WDR33: variants seen among roughly 807,000 people sequenced by gnomAD.
WDR33 encodes pre-mRNA 3' end processing protein WDR33.
Under a neutral mutation model 164.9 loss-of-function variants are expected in WDR33, and 47 were observed. That is an observed-to-expected ratio of 0.29 (90% confidence interval 0.23 to 0.36). WDR33 has a LOEUF of 0.36. Among genes scored for constraint, WDR33 ranks in the 10% least tolerant of loss-of-function variants. The pLI, the probability that WDR33 is intolerant of heterozygous loss-of-function variation, is 1.00. For synonymous variants in WDR33, 505 were observed against 589.0 expected (o/e 0.86, Z 2.06); for missense variants, 1,137 against 1,754.1 (o/e 0.65, Z 6.28).
Position 127,737,491 on chromosome 2 carries a change from A to G in WDR33, c.725-10714T>C, listed in dbSNP as rs1573901206. Reference sequence around the variant, plus strand: ...AAAAGCAGTATATAGTCATCACTTGAAAAGCTAGAAAAGTGCAAAAAGAAA... The same window carrying G: ...AAAAGCAGTATATAGTCATCACTTGGAAAGCTAGAAAAGTGCAAAAAGAAA... On this transcript the variant is annotated intron_variant, in intron 7 of 21. Transcript: ENST00000322313. The G allele has an allele frequency of 7.1e-6, 7 of 986,322 alleles. No homozygotes were observed. The East Asian group carries it at 3.4e-4, about 48-fold the overall frequency. The allele number at this position is 986,322 out of a possible 1,614,324, so 61.1% of individuals were successfully genotyped here.
Position 127,794,829 on chromosome 2 carries a change from G to A in WDR33, c.-24+16183C>T, listed in dbSNP as rs1425644321. ...AGCCTGGGCGACAAAGCGAGACTCC[G>A]TTTCAAAAAAAAAAAAAAAAAAAGA... On this transcript the variant is annotated intron_variant, in intron 1 of 21. Transcript: ENST00000322313. 3.8e-4 allele frequency among the ~76,000 whole-genome samples: 33 copies of A among 86,694 alleles called. No individual in the cohort carries two copies. The East Asian group carries it at 5.2e-3, about 14-fold the overall frequency. 56.9% of individuals were successfully genotyped at this position (86,694 alleles called of 152,430 possible).
intron 7 of WDR33, among the ~76,000 whole-genome samples, chr2:127,731,176 T>C (rs1415788574): frequency 2.0e-5 from 3 of 150,806 alleles, no homozygotes; most frequent in Non-Finnish European, 4.4e-5. Context: ...ATGCCTGTAG[T>C]CCCAGTTGCT....
In WDR33 at chr2:127,768,203, C is replaced by T. The variant is rs1345854921; in HGVS notation, c.364G>A (p.Val122Ile). 1.3e-6 allele frequency: 2 copies of T among 1,570,898 alleles called. No homozygotes were observed. Among genetic ancestry groups the T allele is most frequent in the East Asian group, 2.3e-5 (1 of 43,926 alleles). The change falls in exon 4 of 22, where the codon GTA becomes ATA. Residue 122 changes from valine to isoleucine, a missense_variant. Val to Ile is a conservative substitution (Grantham distance 29). This residue lies in a region of WDR33 where 55 missense variants were observed against 84.6 expected (regional missense o/e 0.65). Coordinates refer to ENST00000322313, the MANE Select transcript of WDR33 (RefSeq NM_018383.5). ...RTSTNKVKCP[V>I]FVVRWTPEGR... is the part of the protein sequence containing the mutation. ...AGATTACTTACCCTAACAACAAATA[C>T]AGGACACTTTACTTTATTTGTTGAT...
At chr2:127,797,551 T>G (rs1357681659) in intron 1 of WDR33, among the ~76,000 whole-genome samples, 1 of 152,154 alleles carries the variant, frequency 6.6e-6, no homozygotes, top group Admixed American at 6.6e-5. Context: ...AATGTTTTAG[T>G]GGCTTTTTTT....
intron 1 of WDR33, among the ~76,000 whole-genome samples, chr2:127,792,399 G>A (rs1042448243): frequency 1.3e-5 from 2 of 151,612 alleles, no homozygotes; most frequent in Non-Finnish European, 2.9e-5. Flanking sequence ...GGTGGCTCAC[G>A]CCTATAATCC....
intron 1 of WDR33, among the ~76,000 whole-genome samples, chr2:127,797,085 T>G (rs1483247334): frequency 6.6e-6 from 1 of 152,030 alleles, no homozygotes; most frequent in Admixed American, 6.6e-5. Flanking sequence ...AGGGAAAATT[T>G]TCCTTGCAAA....
At chr2:127,728,645 T>C (rs1002945128) in intron 7 of WDR33, among the ~76,000 whole-genome samples, 1 of 152,180 alleles carries the variant, frequency 6.6e-6, no homozygotes, top group South Asian at 2.1e-4. Flanking sequence ...CTTGTTTGCC[T>C]TAAGAAATTT....
Position 127,726,375 on chromosome 2 carries a change from A to G in WDR33, c.851+276T>C, listed in dbSNP as rs1445458235. ...GTATTCTGATGACAGGCAATAGGCT[A>G]GAATAGTAACCACCTCCCTCCTCAT... On this transcript the variant is annotated intron_variant, in intron 8 of 21. Coordinates refer to ENST00000322313, the MANE Select transcript of WDR33 (RefSeq NM_018383.5). The surrounding 1 kb of genome is among the most constrained non-coding windows in gnomAD (Gnocchi z 4.8). Among the ~76,000 whole-genome samples the G allele has an allele frequency of 6.6e-6, 1 of 152,192 alleles. No homozygotes were observed. The highest frequency in any genetic ancestry group is 6.5e-5 in the Admixed American group (1 of 15,278).
At position 127,706,041 on chromosome 2, in the gene WDR33, T is replaced by C. The variant is rs994544367; in HGVS notation, c.*282A>G. 2.8e-6 allele frequency: 1 copy of C among 362,614 alleles called. No individual in the cohort carries two copies. The highest frequency in any genetic ancestry group is 4.0e-5 in the East Asian group (1 of 24,700). 22.5% of individuals were successfully genotyped at this position (362,614 alleles called of 1,614,324 possible). ...AACTTAAATTTGTGGAGATGCCCCA[T>C]GTCTTGTGAGACTTAAAAAAAAGAA... is the stretch of plus-strand genomic sequence containing the variant. On this transcript the variant is annotated 3_prime_UTR_variant, in exon 22 of 22. Coordinates refer to ENST00000322313, the MANE Select transcript of WDR33 (RefSeq NM_018383.5). The surrounding 1 kb of genome is among the most constrained non-coding windows in gnomAD (Gnocchi z 5.1).
Position 127,703,891 on chromosome 2 carries a change from G to C in WDR33, c.*2432C>G, listed in dbSNP as rs1034293627. 1 of 166,626 alleles carries C rather than the reference G, an allele frequency of 6.0e-6. No individual in the cohort carries two copies. Among genetic ancestry groups the C allele is most frequent in the Non-Finnish European group, 1.5e-5 (1 of 68,124 alleles). The allele number at this position is 166,626 out of a possible 1,614,324, so 10.3% of individuals were successfully genotyped here. A position where few individuals can be genotyped will look rare whatever the true frequency, so the allele number is the denominator to read the frequency against. On this transcript the variant is annotated 3_prime_UTR_variant, in exon 22 of 22. Transcript: ENST00000322313. ...CCAGCATTTTGGGAGGCCAAGGCGGGAGGATCACTTGAGGCCAGGAGTTCA... is the reference window on the plus strand; with the variant it reads ...CCAGCATTTTGGGAGGCCAAGGCGGCAGGATCACTTGAGGCCAGGAGTTCA...
chr2:127,752,163 C>T (rs1309853713), intron 7 of WDR33, among the ~76,000 whole-genome samples: 1 of 152,212 alleles, frequency 6.6e-6, no homozygotes, highest in Non-Finnish European at 1.5e-5. Context: ...TAACATTTTA[C>T]CAGAGCTATC....
rs552443294 is a variant in WDR33, at chr2:127,709,708, G to A, written c.3457C>T (p.Arg1153Trp). 1.4e-5 allele frequency: 23 copies of A among 1,614,194 alleles called. No homozygotes were observed. The highest frequency in any genetic ancestry group is 8.0e-5 in the African/African-American group (6 of 75,040). ...ARGRDLRGRG[R>W]GTPRGGRKGL... Reference sequence around the variant, plus strand: ...ACTCGCTCACCTCGTGGGGTACCCCGACCTCGACCTCTGAGATCTCGTCCT... The same window carrying A: ...ACTCGCTCACCTCGTGGGGTACCCCAACCTCGACCTCTGAGATCTCGTCCT... Residue 1153 changes from arginine (R) to tryptophan (W), a missense_variant, in exon 19 of 22, where the codon CGG becomes TGG. By Grantham distance (101) the Arg-to-Trp change is moderately radical. Transcript: ENST00000322313. The surrounding 1 kb of genome is among the most constrained non-coding windows in gnomAD (Gnocchi z 5.0).
chr2:127,704,901 A>G lies in WDR33; in HGVS notation c.*1422T>C, dbSNP rs1428617329. On this transcript the variant is annotated 3_prime_UTR_variant, in exon 22 of 22. Coordinates refer to ENST00000322313, the MANE Select transcript of WDR33 (RefSeq NM_018383.5). ...CCAGGAGTTTGAAACCAGCATAGAC[A>G]AAGTGGTGAAACTCCATCTCTACAA... The G allele has an allele frequency of 1.9e-5, 3 of 161,516 alleles. No homozygotes were observed. The highest frequency in any genetic ancestry group is 7.2e-5 in the African/African-American group (3 of 41,454). The allele number at this position is 161,516 out of a possible 1,614,324, so 10.0% of individuals were successfully genotyped here. A position where few individuals can be genotyped will look rare whatever the true frequency, so the allele number is the denominator to read the frequency against.
In WDR33 at chr2:127,791,942, C is replaced by CT. The variant is rs373606033; in HGVS notation, c.-24+19069dup. 3.0e-3 allele frequency among the ~76,000 whole-genome samples: 435 copies of CT among 144,318 alleles called. 1 individual carries two copies. The highest frequency in any genetic ancestry group is 7.2e-3 in the Middle Eastern group (2 of 278). 94.7% of individuals were successfully genotyped at this position (144,318 alleles called of 152,430 possible). On this transcript the variant is annotated intron_variant, in intron 1 of 21. Transcript: ENST00000322313. ...AAAAGGCCTTATAATGTCTTAGTATCTTTTTTTTTTTTTTGAGACGGAGTC... is the reference window on the plus strand; with the variant it reads ...AAAAGGCCTTATAATGTCTTAGTATCTTTTTTTTTTTTTTTGAGACGGAGTC...
rs1410570229 is a variant in WDR33, at chr2:127,738,423, A to G, written c.725-11646T>C. Among the ~76,000 whole-genome samples, 1 of 152,096 alleles carries G rather than the reference A, an allele frequency of 6.6e-6. No homozygotes were observed. The highest frequency in any genetic ancestry group is 1.5e-5 in the Non-Finnish European group (1 of 68,006). The stretch of plus-strand genomic sequence containing the variant: ...TCCACATAATTTACACAGTTACTCC[A>G]CCTGAAAAGAGGTGAGGTGTAATGC... On this transcript the variant is annotated intron_variant, in intron 7 of 21. Transcript: ENST00000322313. This position sits in a 1 kb window ranked among gnomAD's most constrained non-coding sequence, Gnocchi z 4.4.
In WDR33 at chr2:127,775,422, C is replaced by A. The variant is rs1308162493; in HGVS notation, c.-23-4418G>T. Among the ~76,000 whole-genome samples, 7 of 152,318 alleles carry A rather than the reference C, an allele frequency of 4.6e-5. No homozygotes were observed. In the East Asian group the frequency reaches 1.4e-3, roughly 29 times the overall value. On this transcript the variant is annotated intron_variant, in intron 1 of 21. Coordinates refer to ENST00000322313, the MANE Select transcript of WDR33 (RefSeq NM_018383.5). Reference sequence around the variant, plus strand: ...CAGGCTAGTCTCAAACTCCTGACCTCAGGTGATCCACCGGCCTTGGCCTCC... The same window carrying A: ...CAGGCTAGTCTCAAACTCCTGACCTAAGGTGATCCACCGGCCTTGGCCTCC...
rs1441301170 is a variant in WDR33, at chr2:127,711,768, A to ATTT, written c.3308+1814_3308+1815insAAA. Reference sequence around the variant, plus strand: ...CATATACAGATATATATATATATATATATATATATATATTTTTTTTTTGAG... The same window carrying ATTT: ...CATATACAGATATATATATATATATATTTTATATATATATATTTTTTTTTTGAG... On this transcript the variant is annotated intron_variant, in intron 18 of 21. Coordinates refer to ENST00000322313, the MANE Select transcript of WDR33 (RefSeq NM_018383.5). 5.4e-4 allele frequency among the ~76,000 whole-genome samples: 38 copies of ATTT among 70,242 alleles called. 1 individual carries two copies. Among genetic ancestry groups the ATTT allele is most frequent in the African/African-American group, 1.8e-3 (16 of 9,004 alleles). The allele number at this position is 70,242 out of a possible 152,430, so 46.1% of individuals were successfully genotyped here. A position where few individuals can be genotyped will look rare whatever the true frequency, so the allele number is the denominator to read the frequency against.
Position 127,706,453 on chromosome 2 carries a change from A to G in WDR33, c.3881T>C (p.Phe1294Ser). 2 of 1,613,218 alleles carry G rather than the reference A, an allele frequency of 1.2e-6. No homozygotes were observed. The highest frequency in any genetic ancestry group is 2.2e-5 in the East Asian group (1 of 44,796). ...HHDGYHRDEP[F>S]GGPPGSGTPS... ...GGTGCCACTGCCTGGAGGGCCCCCA[A>G]AAGGTTCATCTCTGTGGTATCCATC... Residue 1294 changes from phenylalanine (F) to serine (S), a missense_variant, in exon 22 of 22, where the codon TTT (phenylalanine) becomes TCT (serine). By Grantham distance (155) the Phe-to-Ser change is radical (BLOSUM62 -2). Transcript: ENST00000322313. The surrounding 1 kb of genome is among the most constrained non-coding windows in gnomAD (Gnocchi z 5.1).
At chr2:127,791,159 A>ACCCCCCCCCCCCCCCCCCCCCCCCCCCC (rs1270529963) in intron 1 of WDR33, among the ~76,000 whole-genome samples, 2 of 34,318 alleles carry the variant, frequency 5.8e-5, no homozygotes, top group Non-Finnish European at 5.6e-5. Context: ...CTCTTTCCCC[A>ACCCCCCCCCCCCCCCCCCCCCCCCCCCC]CCCCACCCCC....
Sources: allele counts gnomAD v4.1 joint callset (sites outside exome capture counted in the v4.1 genomes callset), GRCh38; gene constraint gnomAD v4.1.1; regional missense constraint gnomAD v4.1.1; non-coding constraint Gnocchi (gnomAD v3.1); transcripts MANE v1.5; gene names NCBI Gene and HGNC (gene_info 2026-07-23, HGNC 2026-07-21).